SIN3A: variants seen among roughly 807,000 people sequenced by gnomAD.
The protein encoded by SIN3A is paired amphipathic helix protein Sin3a.
A neutral mutation model predicts 146.1 loss-of-function variants in SIN3A; 14 were observed. The ratio of observed to expected loss-of-function variants is 0.10; its 90% CI spans 0.06 to 0.15. The LOEUF is 0.15. SIN3A is among the 10% of genes least tolerant of loss of function. The probability of loss-of-function intolerance (pLI) is 1.00; values close to 1 mark genes in which losing one functional copy is unlikely to be tolerated. For synonymous variants in SIN3A, 572 were observed against 572.0 expected (o/e 1.00, Z 0.00); for missense variants, 1,028 against 1,576.0 (o/e 0.65, Z 5.89).
At chr15:75,397,484 A>G (rs1206509719) in intron 12 of SIN3A, among the ~76,000 whole-genome samples, 1 of 152,154 alleles carries the variant, frequency 6.6e-6, no homozygotes, top group Non-Finnish European at 1.5e-5. Context: ...CCTCCTAGTG[A>G]CTAGCAACAT....
At chr15:75,417,781 A>AT (rs1309088105) in intron 3 of SIN3A, among the ~76,000 whole-genome samples, 1 of 152,176 alleles carries the variant, frequency 6.6e-6, no homozygotes, top group Non-Finnish European at 1.5e-5. Context: ...AAATTCTTAC[A>AT]TCGAAACTTA....
intron 19 of SIN3A, among the ~76,000 whole-genome samples, chr15:75,377,554 G>T (rs936403926): frequency 4.0e-5 from 6 of 151,896 alleles, no homozygotes; most frequent in African/African-American, 1.5e-4. Context: ...GAACCTGGCT[G>T]GTGGAGGCTG....
chr15:75,450,587 G>A (rs1178801323), intron 1 of SIN3A, among the ~76,000 whole-genome samples: 2 of 152,192 alleles, frequency 1.3e-5, no homozygotes, highest in East Asian at 1.9e-4. Flanking sequence ...GGGAGTGGGG[G>A]TGACCATGCT....
chr15:75,418,750 G>A (rs540205423), intron 3 of SIN3A, among the ~76,000 whole-genome samples: 3 of 151,474 alleles, frequency 2.0e-5, no homozygotes, highest in South Asian at 2.1e-4. Context: ...ACAAATGGCC[G>A]CTTTTTTGTT....
At chr15:75,422,997 G>A (rs1315012258) in intron 2 of SIN3A, among the ~76,000 whole-genome samples, 174 bp from the exon 3 acceptor site, 2 of 152,214 alleles carry the variant, frequency 1.3e-5, no homozygotes, top group Admixed American at 6.6e-5. Flanking sequence ...GAACTCAGGA[G>A]TTCAAGGCTG....
chr15:75,455,306 G>C (rs1044819090), upstream of SIN3A, among the ~76,000 whole-genome samples: 3 of 151,412 alleles, frequency 2.0e-5, no homozygotes, highest in Non-Finnish European at 4.4e-5. Flanking sequence ...GACCATGCTC[G>C]AGCCGCCGCC....
chr15:75,384,199 T>C, intron 17 of SIN3A, 65 bp downstream of exon 17: 2 of 1,377,144 alleles, frequency 1.5e-6, no homozygotes, highest in Non-Finnish European at 1.0e-6. Flanking sequence ...TAACTTCTGG[T>C]TCAGAGAATC....
intron 2 of SIN3A, among the ~76,000 whole-genome samples, chr15:75,423,161 C>G (rs534075900): frequency 6.6e-6 from 1 of 151,926 alleles, no homozygotes; most frequent in Admixed American, 6.6e-5. Context: ...ACCTGTGGTC[C>G]CACCTACTCC....
Position 75,384,431 on chromosome 15 carries a change from G to A in SIN3A, c.3028C>T (p.His1010Tyr). The A allele has an allele frequency of 2.5e-6, 4 of 1,605,820 alleles. No homozygotes were observed. Among genetic ancestry groups the A allele is most frequent in the East Asian group, 2.3e-5 (1 of 44,312 alleles). ...LIQSIVRQLQ[H>Y]IVSDEICVQV... Reference sequence around the variant, plus strand: ...ACACAGATCTCATCACTCACGATATGCTGCAGCTGGAAGCAAACAAAGGCA... The same window carrying A: ...ACACAGATCTCATCACTCACGATATACTGCAGCTGGAAGCAAACAAAGGCA... Residue 1010 changes from histidine to tyrosine, a missense_variant, in exon 17 of 21, where the codon CAT becomes TAT. Transcript: ENST00000394947.
chr15:75,411,847 TACTC>T, intron 5 of SIN3A, 104 bp from the exon 6 acceptor site: 1 of 1,275,172 alleles, frequency 7.8e-7, no homozygotes, highest in Non-Finnish European at 1.1e-6. Context: ...ATCCTTTATT[TACTC>T]ACTCAGGCCA....
chr15:75,448,973 A>G (rs767678342), intron 1 of SIN3A, among the ~76,000 whole-genome samples: 4 of 152,228 alleles, frequency 2.6e-5, no homozygotes, highest in Non-Finnish European at 5.9e-5. Flanking sequence ...ACAAAATTAT[A>G]GTATATAAAA....
chr15:75,399,903 G>A (rs2073379327), intron 12 of SIN3A, 137 bp downstream of exon 12: 3 of 644,528 alleles, frequency 4.7e-6, no homozygotes, highest in Non-Finnish European at 8.4e-6. Flanking sequence ...AGCATGGAAA[G>A]TACCACAACA....
intron 1 of SIN3A, among the ~76,000 whole-genome samples, chr15:75,430,823 C>T (rs1595920402): frequency 2.0e-5 from 3 of 151,844 alleles, no homozygotes; most frequent in Admixed American, 2.0e-4. Flanking sequence ...GTTGCCCAGG[C>T]TGAGTGCAGT....
At chr15:75,454,117 C>G (rs1032316800), upstream of SIN3A, among the ~76,000 whole-genome samples, 1 of 152,100 alleles carries the variant, frequency 6.6e-6, no homozygotes, top group Non-Finnish European at 1.5e-5. Flanking sequence ...GGGGCGGGAC[C>G]TTGCGCCTCA....
intron 19 of SIN3A, among the ~76,000 whole-genome samples, chr15:75,376,669 C>T (rs1269850635): frequency 6.9e-6 from 1 of 145,882 alleles, no homozygotes. Flanking sequence ...CTAGCCTGGG[C>T]AACATGGCAA....
At chr15:75,408,671 C>T (rs1024835833) in intron 8 of SIN3A, among the ~76,000 whole-genome samples, 1 of 152,192 alleles carries the variant, frequency 6.6e-6, no homozygotes, top group South Asian at 2.1e-4. Context: ...TAATGGATTA[C>T]TAAGAGGAGT....
At chr15:75,449,100 A>G (rs1245227141) in intron 1 of SIN3A, among the ~76,000 whole-genome samples, 1 of 152,200 alleles carries the variant, frequency 6.6e-6, no homozygotes, top group Non-Finnish European at 1.5e-5. Context: ...ACTGCAAATC[A>G]TGGGAACTAT....
At position 75,432,175 on chromosome 15, in the gene SIN3A, T is replaced by A. The variant is rs146315470; in HGVS notation, c.-33-1767A>T. 8.5e-5 allele frequency among the ~76,000 whole-genome samples: 13 copies of A among 152,372 alleles called. No homozygotes were observed. In the East Asian group the frequency reaches 2.5e-3, roughly 29 times the overall value. On this transcript the variant is annotated intron_variant, in intron 1 of 20. Coordinates refer to ENST00000394947, the MANE Select transcript of SIN3A (RefSeq NM_001145358.2). ...TAGACATATTAAGAGGTTGAGTATATAGATTTATGCATGTTATTTGCCACT... is the reference window on the plus strand; with the variant it reads ...TAGACATATTAAGAGGTTGAGTATAAAGATTTATGCATGTTATTTGCCACT...
intron 17 of SIN3A, among the ~76,000 whole-genome samples, chr15:75,383,647 G>A (rs1317156998): frequency 6.6e-6 from 1 of 151,928 alleles, no homozygotes; most frequent in Non-Finnish European, 1.5e-5. Flanking sequence ...TCCTGACTCA[G>A]CCTCCAGAGT....
Sources: allele counts gnomAD v4.1 joint callset (sites outside exome capture counted in the v4.1 genomes callset), GRCh38; gene constraint gnomAD v4.1.1; transcripts MANE v1.5; gene names NCBI Gene and HGNC (gene_info 2026-07-23, HGNC 2026-07-21).